Variants in CD96 observed in about 807,000 individuals in gnomAD.
CD96 encodes T-cell surface protein tactile.
CD96 carries 70 observed loss-of-function variants against 71.3 expected under a neutral mutation model. The observed-to-expected ratio is 0.98, with a 90% confidence interval of 0.81 to 1.20. The LOEUF (loss-of-function observed/expected upper bound fraction) is 1.20. CD96 is among the 50% of genes most tolerant of loss of function. The pLI is 0.00. For missense variants in CD96, 742 were observed against 677.5 expected (o/e 1.10, Z -1.06); for synonymous variants, 248 against 233.0 (o/e 1.06, Z -0.59).
intron 14 of CD96, among the ~76,000 whole-genome samples, chr3:111,659,960 C>A (rs1282071963): frequency 6.6e-6 from 1 of 152,168 alleles, no homozygotes; most frequent in Admixed American, 6.5e-5. Context: ...CCCTTGAGAA[C>A]TGAAACAAGA....
chr3:111,597,732 T>A (rs924823349), intron 5 of CD96, among the ~76,000 whole-genome samples: 2 of 152,228 alleles, frequency 1.3e-5, no homozygotes, highest in African/African-American at 4.8e-5. Flanking sequence ...GCTTTTAATC[T>A]AACAGACTAT....
chr3:111,627,724 TC>T lies in CD96; in HGVS notation c.1321+3322del, dbSNP rs535702967. On this transcript the variant is annotated intron_variant, in intron 10 of 13. Transcript: ENST00000352690. ...TGGGTGAGATCTTCCAACTGGAATC[TC>T]CAACCACCTCCTACAGGCACGGTCA... is the stretch of plus-strand genomic sequence containing the variant. Among the ~76,000 whole-genome samples, 20 of 152,242 alleles carry T rather than the reference TC, an allele frequency of 1.3e-4. No homozygotes were observed. The South Asian group carries it at 3.9e-3, about 30-fold the overall frequency.
chr3:111,596,419 C>T (rs1366475827), intron 5 of CD96, among the ~76,000 whole-genome samples: 2 of 151,950 alleles, frequency 1.3e-5, no homozygotes, highest in African/African-American at 4.8e-5. Flanking sequence ...AAAATCTGAA[C>T]CTAGAGAATT....
intron 1 of CD96, among the ~76,000 whole-genome samples, chr3:111,543,364 C>T (rs75251123): frequency 0.017 from 2,592 of 152,246 alleles, 76 homozygotes; most frequent in African/African-American, 0.058. Flanking sequence ...CTGTATCACT[C>T]AGTCAGACTG....
At chr3:111,564,150 C>T (rs80019801) in intron 2 of CD96, among the ~76,000 whole-genome samples, 189 of 152,070 alleles carry the variant, frequency 1.2e-3, no homozygotes, top group African/African-American at 4.4e-3. Context: ...GCAGTATAAT[C>T]GTTTAATGTG....
intron 2 of CD96, among the ~76,000 whole-genome samples, chr3:111,545,986 T>C (rs1934376520): frequency 7.5e-6 from 1 of 134,004 alleles, no homozygotes; most frequent in South Asian, 2.7e-4. Context: ...AGGCTGACTG[T>C]ATTTGTGTTG....
chr3:111,595,721 A>G (rs983670845), intron 5 of CD96, among the ~76,000 whole-genome samples: 3 of 150,772 alleles, frequency 2.0e-5, no homozygotes, highest in African/African-American at 4.9e-5. Flanking sequence ...ATATATACAT[A>G]CATTATATAT....
rs1934136957 is a variant in CD96 at position 111,542,322 on chromosome 3, G to A, written c.61+13G>A. ...CATTTTGTCAAGGGTAAGACTTCCA[G>A]TTGTCCCTTCTTGTCGGATGGGCCG... On this transcript the variant is annotated intron_variant, in intron 1 of 13. Coordinates refer to ENST00000352690, the MANE Select transcript of CD96 (RefSeq NM_005816.5). 2 of 1,609,962 alleles carry A rather than the reference G, an allele frequency of 1.2e-6. No homozygotes were observed. The highest frequency in any genetic ancestry group is 4.5e-5 in the East Asian group (2 of 44,856).
chr3:111,615,464 A>T (rs1938183309), intron 8 of CD96, among the ~76,000 whole-genome samples: 1 of 152,236 alleles, frequency 6.6e-6, no homozygotes, highest in African/African-American at 2.4e-5. Flanking sequence ...CACTTGGTTC[A>T]CAGTAAGTGT....
intron 3 of CD96, among the ~76,000 whole-genome samples, chr3:111,574,124 A>G (rs570068089): frequency 1.3e-5 from 2 of 152,280 alleles, no homozygotes; most frequent in South Asian, 4.2e-4. Context: ...TTATTGAATG[A>G]GCTCTGTACA....
At chr3:111,550,230 C>T (rs1223497683) in intron 2 of CD96, among the ~76,000 whole-genome samples, 6 of 151,918 alleles carry the variant, frequency 3.9e-5, no homozygotes, top group Non-Finnish European at 5.9e-5. Flanking sequence ...TTTTTTATCA[C>T]CTAACAGGAA....
intron 4 of CD96, among the ~76,000 whole-genome samples, chr3:111,582,314 T>C (rs2107593921): frequency 6.6e-6 from 1 of 152,348 alleles, no homozygotes; most frequent in East Asian, 1.9e-4. Context: ...CTGTGTTTGC[T>C]ATGCTCAAGA....
At chr3:111,589,202 G>A (rs535188119) in intron 5 of CD96, among the ~76,000 whole-genome samples, 4 of 151,886 alleles carry the variant, frequency 2.6e-5, no homozygotes, top group East Asian at 1.9e-4. Flanking sequence ...CGCCCGCCTC[G>A]GCCTCCCAGA....
intron 3 of CD96, among the ~76,000 whole-genome samples, chr3:111,572,339 T>C (rs536774960): frequency 1.3e-5 from 2 of 152,338 alleles, no homozygotes; most frequent in Middle Eastern, 3.4e-3. Flanking sequence ...TCTTACCTCT[T>C]TTCATTTTGA....
intron 11 of CD96, 61 bp from the exon 12 acceptor site, chr3:111,638,018 G>A (rs1939417923): frequency 4.4e-6 from 4 of 902,468 alleles, no homozygotes; most frequent in Non-Finnish European, 7.5e-6. Flanking sequence ...ACCCAATCAT[G>A]GTTTTATACC....
In CD96 at chr3:111,574,788, A is replaced by ATT. The variant is rs5851773; in HGVS notation, c.544-4228_544-4227dup. Among the ~76,000 whole-genome samples, 29 of 148,450 alleles carry ATT rather than the reference A, an allele frequency of 2.0e-4. 1 individual carries two copies. Among genetic ancestry groups the ATT allele is most frequent in the South Asian group, 4.2e-4 (2 of 4,724 alleles). Reference sequence around the variant, plus strand: ...TATATTTAAAAATATGAATTTTTAGATTTTTTTTTTTTGAGGCAGTGTCTC... The same window carrying ATT: ...TATATTTAAAAATATGAATTTTTAGATTTTTTTTTTTTTTGAGGCAGTGTCTC... On this transcript the variant is annotated intron_variant, in intron 3 of 13. Coordinates refer to ENST00000352690, the MANE Select transcript of CD96 (RefSeq NM_005816.5).
intron 8 of CD96, among the ~76,000 whole-genome samples, chr3:111,607,950 G>A (rs1220829553): frequency 1.3e-5 from 2 of 152,028 alleles, no homozygotes; most frequent in African/African-American, 2.4e-5. Context: ...AATCTCTCTA[G>A]TATCCTGTGT....
intron 7 of CD96, among the ~76,000 whole-genome samples, chr3:111,604,921 A>G (rs1383274411): frequency 2.0e-5 from 3 of 152,252 alleles, no homozygotes; most frequent in African/African-American, 7.2e-5. Flanking sequence ...ATTTTTATAA[A>G]CATGATTTCA....
chr3:111,570,845 A>C (rs555829706), intron 3 of CD96: 1 of 1,611,510 alleles, frequency 6.2e-7, no homozygotes, highest in Non-Finnish European at 8.5e-7. Context: ...TTGTGGCTCC[A>C]GGGTGCAAGG....
Sources: gnomAD v4.1 joint callset for allele counts (sites outside exome capture counted in the v4.1 genomes callset) on GRCh38, gnomAD v4.1.1 for gene constraint, MANE v1.5 for transcripts, NCBI Gene and HGNC (gene_info 2026-07-23, HGNC 2026-07-21) for gene names.